The following CCDC178 variants were observed in gnomAD, a reference collection of about 807,000 sequenced individuals.
CCDC178 encodes the protein coiled-coil domain containing 178.
A neutral mutation model predicts 117.4 loss-of-function variants in CCDC178; 126 were observed. The ratio of observed to expected loss-of-function variants is 1.07; its 90% CI spans 0.93 to 1.24. CCDC178 has a LOEUF of 1.24. Among genes scored for constraint, CCDC178 ranks in the 50% most tolerant of loss-of-function variants. The probability of loss-of-function intolerance (pLI) is 0.00; values close to 1 mark genes in which losing one functional copy is unlikely to be tolerated. For missense variants in CCDC178, 1,030 were observed against 986.9 expected (o/e 1.04, Z -0.59); for synonymous variants, 283 against 313.4 (o/e 0.90, Z 1.02).
At chr18:33,197,543 T>A (rs568435942) in intron 20 of CCDC178, among the ~76,000 whole-genome samples, 1 of 151,758 alleles carries the variant, frequency 6.6e-6, no homozygotes, top group South Asian at 2.1e-4. Flanking sequence ...TTGTTTAATA[T>A]CTCTAAGTTT....
chr18:33,280,754 G>A (rs1226303169), intron 12 of CCDC178, among the ~76,000 whole-genome samples: 1 of 152,114 alleles, frequency 6.6e-6, no homozygotes, highest in African/African-American at 2.4e-5. Flanking sequence ...ACATATACAT[G>A]ATGGAATACT....
chr18:33,038,934 C>T (rs2056495577), intron 21 of CCDC178, among the ~76,000 whole-genome samples: 1 of 151,914 alleles, frequency 6.6e-6, no homozygotes, highest in Non-Finnish European at 1.5e-5. Flanking sequence ...TTATCAAAAA[C>T]ACAAAAAGGC....
rs139935059 is a variant in CCDC178, at chr18:33,225,828, G to C, written c.1657-892C>G. Among the ~76,000 whole-genome samples the C allele has an allele frequency of 1.2e-3, 184 of 152,248 alleles. 1 individual carries two copies. Among genetic ancestry groups the C allele is most frequent in the African/African-American group, 4.2e-3 (174 of 41,558 alleles). ...AACAGAAAAAAATTACAAAATTTAG[G>C]TTTACTTCCAAGAGAAGCAGAGGTG... On this transcript the variant is annotated intron_variant, in intron 16 of 22. Transcript: ENST00000383096.
intron 7 of CCDC178, among the ~76,000 whole-genome samples, chr18:33,350,541 C>T (rs533766780): frequency 1.9e-4 from 29 of 152,204 alleles, no homozygotes; most frequent in African/African-American, 4.6e-4. Flanking sequence ...AGTGACCTTT[C>T]GTGACTTTTT....
chr18:32,984,966 TGAG>T (rs770594716), intron 21 of CCDC178, among the ~76,000 whole-genome samples: 18 of 152,096 alleles, frequency 1.2e-4, no homozygotes, highest in South Asian at 1.0e-3. Flanking sequence ...GAGCTGTGGT[TGAG>T]CAATTTTCTC....
At chr18:33,268,423 T>C (rs2059845919) in intron 12 of CCDC178, among the ~76,000 whole-genome samples, 1 of 151,818 alleles carries the variant, frequency 6.6e-6, no homozygotes, top group African/African-American at 2.4e-5. Flanking sequence ...TTAAAAAAAT[T>C]CAAAGTGGTC....
At chr18:32,966,388 C>G (rs2054814896) in intron 22 of CCDC178, among the ~76,000 whole-genome samples, 1 of 151,794 alleles carries the variant, frequency 6.6e-6, no homozygotes, top group African/African-American at 2.4e-5. Flanking sequence ...TCTCCTGTTA[C>G]AAGGCAGAGT....
At chr18:32,940,628 T>G (rs1055318791) in intron 22 of CCDC178, among the ~76,000 whole-genome samples, 14 of 152,126 alleles carry the variant, frequency 9.2e-5, no homozygotes, top group African/African-American at 3.1e-4. Context: ...ATCTAGGTAC[T>G]AAGCCTAGTG....
intron 20 of CCDC178, among the ~76,000 whole-genome samples, chr18:33,168,436 G>T (rs913568843): frequency 6.6e-6 from 1 of 152,030 alleles, no homozygotes; most frequent in Non-Finnish European, 1.5e-5. Context: ...CTGTTCCATT[G>T]GTTTATGTGT....
chr18:33,056,618 C>G (rs1273860261), intron 21 of CCDC178, among the ~76,000 whole-genome samples: 1 of 152,040 alleles, frequency 6.6e-6, no homozygotes, highest in Non-Finnish European at 1.5e-5. Context: ...AGAGTTTTAT[C>G]CATGAAGAAA....
chr18:32,965,873 G>T, intron 22 of CCDC178, among the ~76,000 whole-genome samples: 1 of 148,898 alleles, frequency 6.7e-6, no homozygotes, highest in South Asian at 2.1e-4. Context: ...ATTCATATAT[G>T]AAACTTGAAA....
rs574939500 is a variant in CCDC178, at chr18:33,236,868, G to T, written c.1593+8377C>A. 3.3e-5 allele frequency among the ~76,000 whole-genome samples: 5 copies of T among 152,210 alleles called. No homozygotes were observed. The South Asian group carries it at 1.0e-3, about 32-fold the overall frequency. Reference sequence around the variant, plus strand: ...CCAAAACTAGGGGCAACTTCCCTTTGCAGGAAAAAGGTAAACAGAGGAACC... The same window carrying T: ...CCAAAACTAGGGGCAACTTCCCTTTTCAGGAAAAAGGTAAACAGAGGAACC... On this transcript the variant is annotated intron_variant, in intron 15 of 22. Coordinates refer to ENST00000383096, the MANE Select transcript of CCDC178 (RefSeq NM_001105528.4).
At chr18:32,961,999 C>T (rs1335921366) in intron 22 of CCDC178, among the ~76,000 whole-genome samples, 1 of 148,780 alleles carries the variant, frequency 6.7e-6, no homozygotes. Flanking sequence ...TCTTTACTGT[C>T]TTTTTTTTTA....
chr18:33,371,941 A>C (rs1451764903), intron 5 of CCDC178, among the ~76,000 whole-genome samples: 1 of 152,064 alleles, frequency 6.6e-6, no homozygotes, highest in Non-Finnish European at 1.5e-5. Context: ...TTTGATACAC[A>C]TTTAACAAAC....
chr18:33,059,827 G>A (rs542458978), intron 21 of CCDC178, among the ~76,000 whole-genome samples: 3 of 152,244 alleles, frequency 2.0e-5, no homozygotes, highest in South Asian at 4.1e-4. Flanking sequence ...GTCATGCCAT[G>A]GTCATGCTTA....
At chr18:33,228,187 C>T (rs2059330477) in intron 15 of CCDC178, among the ~76,000 whole-genome samples, 1 of 152,128 alleles carries the variant, frequency 6.6e-6, no homozygotes, top group Non-Finnish European at 1.5e-5. Context: ...TTATGCAGAA[C>T]CTTCCAGGTA....
chr18:33,329,746 T>C lies in CCDC178; in HGVS notation c.879+3428A>G, dbSNP rs146129087. On this transcript the variant is annotated intron_variant, in intron 10 of 22. Coordinates refer to ENST00000383096, the MANE Select transcript of CCDC178 (RefSeq NM_001105528.4). ...TATATTCATAAGGTATACTGGTCTA[T>C]AATTTACTTCCTTGTGATATATTTA... 1.8e-3 allele frequency among the ~76,000 whole-genome samples: 268 copies of C among 152,262 alleles called. 1 individual carries two copies. Among genetic ancestry groups the C allele is most frequent in the African/African-American group, 6.1e-3 (253 of 41,568 alleles).
chr18:33,282,253 G>C (rs1268041813), intron 12 of CCDC178, among the ~76,000 whole-genome samples: 1 of 152,180 alleles, frequency 6.6e-6, no homozygotes, highest in South Asian at 2.1e-4. Flanking sequence ...GTGGCAAGGA[G>C]AGCCTCCTCG....
chr18:33,207,807 A>G (rs2059063531), intron 20 of CCDC178, among the ~76,000 whole-genome samples: 1 of 152,090 alleles, frequency 6.6e-6, no homozygotes, highest in African/African-American at 2.4e-5. Context: ...ACATGATGCT[A>G]GAGAGAGATT....
Sources: allele counts gnomAD v4.1 joint callset (sites outside exome capture counted in the v4.1 genomes callset), GRCh38; gene constraint gnomAD v4.1.1; transcripts MANE v1.5; gene names NCBI Gene and HGNC (gene_info 2026-07-23, HGNC 2026-07-21).